The following CDH12 variants were observed in gnomAD, a reference collection of about 807,000 sequenced individuals.
The protein encoded by CDH12 is cadherin-12.
In CDH12, 41 loss-of-function variants were observed where a neutral mutation model predicts 74.1. The observed-to-expected ratio is 0.55, with a 90% CI of 0.43 to 0.72. The LOEUF is 0.72. Ranked by LOEUF, CDH12 falls within the 30% of genes least tolerant of loss-of-function variation. The pLI is 0.00. For synonymous variants in CDH12, 399 were observed against 355.0 expected (o/e 1.12, Z -1.39); for missense variants, 945 against 977.2 (o/e 0.97, Z 0.44).
chr5:22,477,707 T>G (rs1746221661), intron 2 of CDH12, among the ~76,000 whole-genome samples: 1 of 152,160 alleles, frequency 6.6e-6, no homozygotes, highest in Non-Finnish European at 1.5e-5. Context: ...AATAACACTA[T>G]TGGACTACCC....
chr5:22,195,925 A>G (rs1242417446), intron 4 of CDH12, among the ~76,000 whole-genome samples: 1 of 152,032 alleles, frequency 6.6e-6, no homozygotes, highest in African/African-American at 2.4e-5. Flanking sequence ...GTTTCAACCT[A>G]TTAGTAGCAA....
intron 10 of CDH12, among the ~76,000 whole-genome samples, chr5:21,799,189 G>A (rs530969827): frequency 1.3e-5 from 2 of 152,304 alleles, no homozygotes; most frequent in East Asian, 1.9e-4. Flanking sequence ...TGGCAAAGAA[G>A]TTAGGTGGAT....
At chr5:22,371,763 C>A (rs534719620) in intron 3 of CDH12, among the ~76,000 whole-genome samples, 25 of 152,124 alleles carry the variant, frequency 1.6e-4, no homozygotes, top group African/African-American at 6.0e-4. Context: ...CAAGACAAAT[C>A]AAGGTACCCT....
At chr5:22,235,856 TCA>T (rs1377543064) in intron 3 of CDH12, among the ~76,000 whole-genome samples, 16 of 152,278 alleles carry the variant, frequency 1.1e-4, no homozygotes, top group Admixed American at 9.8e-4. Flanking sequence ...TGGGTGAACA[TCA>T]CAGTGTGCAC....
rs563658273 is a variant in CDH12, at chr5:21,902,753, AT to A, written c.527-47964del. On this transcript the variant is annotated intron_variant, in intron 6 of 14. Coordinates refer to ENST00000382254, the MANE Select transcript of CDH12 (RefSeq NM_004061.5). ...AGAAACTAAACTTTAATTTTGTTCAATTTTTTTTAAAATTTATTTTTAATTA... is the reference window on the plus strand; with the variant it reads ...AGAAACTAAACTTTAATTTTGTTCAATTTTTTTAAAATTTATTTTTAATTA... Among the ~76,000 whole-genome samples the A allele has an allele frequency of 9.9e-4, 151 of 152,082 alleles. 1 individual carries two copies. The highest frequency in any genetic ancestry group is 3.2e-3 in the African/African-American group (131 of 41,490).
chr5:22,585,914 T>C (rs1261753608), intron 1 of CDH12, among the ~76,000 whole-genome samples: 1 of 152,126 alleles, frequency 6.6e-6, no homozygotes, highest in East Asian at 1.9e-4. Context: ...AGTTCAACCA[T>C]TGTGGAAGAC....
intron 5 of CDH12, among the ~76,000 whole-genome samples, chr5:22,047,002 T>C (rs1739999870): frequency 6.6e-6 from 1 of 152,166 alleles, no homozygotes; most frequent in African/African-American, 2.4e-5. Context: ...TCAGAAATGT[T>C]TGGTGGCATC....
At chr5:22,814,790 C>T (rs1359917691) in intron 1 of CDH12, among the ~76,000 whole-genome samples, 1 of 151,878 alleles carries the variant, frequency 6.6e-6, no homozygotes, top group Non-Finnish European at 1.5e-5. Context: ...TTTGATAAGT[C>T]TAATTTTAAA....
chr5:22,593,904 T>C (rs1172504708), intron 1 of CDH12, among the ~76,000 whole-genome samples: 1 of 152,230 alleles, frequency 6.6e-6, no homozygotes. Context: ...GGGATAAATA[T>C]AAAATGTCTA....
At chr5:22,457,410 TTCC>T in intron 2 of CDH12, among the ~76,000 whole-genome samples, 1 of 112,678 alleles carries the variant, frequency 8.9e-6, no homozygotes, top group South Asian at 2.6e-4. Context: ...CCTCTTCCTC[TTCC>T]TCTTCTTCTT....
chr5:22,011,321 G>A (rs1386986649), intron 5 of CDH12, among the ~76,000 whole-genome samples: 7 of 152,030 alleles, frequency 4.6e-5, no homozygotes, highest in South Asian at 2.1e-4. Flanking sequence ...AGACTCAGAG[G>A]GGGAAATTAC....
chr5:22,466,420 CA>C, intron 2 of CDH12, among the ~76,000 whole-genome samples: 1 of 151,730 alleles, frequency 6.6e-6, no homozygotes. Context: ...TCTGAAAGAG[CA>C]AAAAAGGTGA....
At chr5:22,240,788 C>A (rs1157146813) in intron 3 of CDH12, among the ~76,000 whole-genome samples, 1 of 152,194 alleles carries the variant, frequency 6.6e-6, no homozygotes, top group Non-Finnish European at 1.5e-5. Context: ...CCCTCCTCAG[C>A]CTCCCAAAGT....
At chr5:22,152,086 T>A (rs1346820350) in intron 4 of CDH12, 1 of 152,040 alleles carries the variant, frequency 6.6e-6, no homozygotes, top group East Asian at 1.9e-4. Context: ...CCCATCTCGT[T>A]CTGGAATTCC....
intron 1 of CDH12, among the ~76,000 whole-genome samples, chr5:22,832,428 G>A (rs879456977): frequency 1.3e-5 from 2 of 152,080 alleles, no homozygotes; most frequent in Non-Finnish European, 2.9e-5. Context: ...CACGGCTTTA[G>A]GTGCCCATTC....
At chr5:22,241,471 A>C (rs1752749500) in intron 3 of CDH12, among the ~76,000 whole-genome samples, 1 of 152,030 alleles carries the variant, frequency 6.6e-6, no homozygotes, top group African/African-American at 2.4e-5. Flanking sequence ...TTTATTCTTG[A>C]ATTAGATTAC....
chr5:22,234,082 T>C (rs1426329211), intron 3 of CDH12, among the ~76,000 whole-genome samples: 1 of 152,190 alleles, frequency 6.6e-6, no homozygotes, highest in Non-Finnish European at 1.5e-5. Flanking sequence ...TTCCTCTTTT[T>C]AAAAAAATAA....
intron 3 of CDH12, among the ~76,000 whole-genome samples, chr5:22,369,413 T>A (rs1021765812): frequency 6.6e-6 from 1 of 152,146 alleles, no homozygotes; most frequent in Non-Finnish European, 1.5e-5. Context: ...CCACCATTTT[T>A]TTCCTAGAAA....
chr5:21,797,589 T>A (rs1421284145), intron 10 of CDH12, among the ~76,000 whole-genome samples: 1 of 151,982 alleles, frequency 6.6e-6, no homozygotes, highest in African/African-American at 2.4e-5. Context: ...GTGGGCCGAC[T>A]GCGACTCATT....
Sources: gnomAD v4.1 joint callset for allele counts (sites outside exome capture counted in the v4.1 genomes callset) on GRCh38, gnomAD v4.1.1 for gene constraint, MANE v1.5 for transcripts, NCBI Gene and HGNC (gene_info 2026-07-23, HGNC 2026-07-21) for gene names.